SLC44A5: variants seen among roughly 807,000 people sequenced by gnomAD.
SLC44A5 encodes the protein solute carrier family 44 member 5, also known as choline transporter-like protein 5.
Under a neutral mutation model 101.8 loss-of-function variants are expected in SLC44A5, and 57 were observed. That is an observed-to-expected ratio of 0.56 (90% confidence interval 0.45 to 0.70). The LOEUF is 0.70. Among genes scored for constraint, SLC44A5 ranks in the 30% least tolerant of loss-of-function variants. The pLI is 0.00. For missense variants in SLC44A5, 737 were observed against 853.1 expected, an observed-to-expected ratio of 0.86 and a Z score of 1.70; for synonymous variants, 281 against 290.9, an observed-to-expected ratio of 0.97 and a Z score of 0.35.
At chr1:75,383,864 G>C (rs1448027142) in intron 3 of SLC44A5, among the ~76,000 whole-genome samples, 1 of 152,172 alleles carries the variant, frequency 6.6e-6, no homozygotes, top group African/African-American at 2.4e-5. Flanking sequence ...TCTCTCAGCA[G>C]AAACCCTACA....
intron 12 of SLC44A5, among the ~76,000 whole-genome samples, chr1:75,230,867 C>T (rs1019959437): frequency 3.3e-5 from 5 of 152,166 alleles, no homozygotes; most frequent in East Asian, 1.9e-4. Flanking sequence ...TTGGCCGCCT[C>T]GGCCTCCCAC....
rs1160993123 is a variant in SLC44A5 at position 75,403,942 on chromosome 1, A to G, written c.14-7321T>C. On this transcript the variant is annotated intron_variant, in intron 2 of 23. Coordinates refer to ENST00000370859, the MANE Select transcript of SLC44A5 (RefSeq NM_001130058.2). ...GTTCTAACCCAATGCAAGGGAACTA[A>G]GAACCTTGCAAAAAAGTTAGAGGAA... Among the ~76,000 whole-genome samples, 8 of 152,272 alleles carry G rather than the reference A, an allele frequency of 5.3e-5. No homozygotes were observed. The East Asian group carries it at 1.6e-3, about 30-fold the overall frequency.
chr1:75,391,039 T>C (rs1661752471), intron 3 of SLC44A5, among the ~76,000 whole-genome samples: 1 of 152,128 alleles, frequency 6.6e-6, no homozygotes, highest in South Asian at 2.1e-4. Context: ...AGCATTTCTG[T>C]ACAGCAGTAA....
chr1:75,626,881 T>C, the SLC44A5 span, among the ~76,000 whole-genome samples: 1 of 152,124 alleles, frequency 6.6e-6, no homozygotes, highest in East Asian at 1.9e-4. Flanking sequence ...GAGCTTCCTA[T>C]GTCATGTAAA....
At chr1:75,280,688 C>T (rs1438420387) in intron 5 of SLC44A5, among the ~76,000 whole-genome samples, 2 of 150,688 alleles carry the variant, frequency 1.3e-5, no homozygotes, top group East Asian at 3.9e-4. Flanking sequence ...GGTGGTTCTA[C>T]CATGCTGTTC....
At chr1:75,710,878 T>C in the SLC44A5 span, among the ~76,000 whole-genome samples, 2 of 152,206 alleles carry the variant, frequency 1.3e-5, no homozygotes, top group Non-Finnish European at 2.9e-5. Flanking sequence ...AAACAACTAA[T>C]ATAATCATCT....
chr1:75,373,829 C>T (rs1660388048), intron 3 of SLC44A5, among the ~76,000 whole-genome samples: 1 of 152,090 alleles, frequency 6.6e-6, no homozygotes, highest in Admixed American at 6.5e-5. Flanking sequence ...CCTGAGGGTT[C>T]AGAGGACAAA....
At chr1:75,444,625 A>T (rs1338746638) in intron 2 of SLC44A5, among the ~76,000 whole-genome samples, 1 of 151,932 alleles carries the variant, frequency 6.6e-6, no homozygotes, top group Non-Finnish European at 1.5e-5. Context: ...TTGTATGCTA[A>T]TAGAGATGAT....
At chr1:75,451,573 T>C (rs892803228) in intron 2 of SLC44A5, among the ~76,000 whole-genome samples, 8 of 152,042 alleles carry the variant, frequency 5.3e-5, no homozygotes, top group African/African-American at 1.4e-4. Context: ...TTAAAACTAA[T>C]AGCATCTCCA....
At chr1:75,500,739 G>A (rs1668915401) in intron 2 of SLC44A5, among the ~76,000 whole-genome samples, 1 of 152,160 alleles carries the variant, frequency 6.6e-6, no homozygotes, top group African/African-American at 2.4e-5. Flanking sequence ...GGTAACAACA[G>A]AGAAAGTTAC....
intron 2 of SLC44A5, among the ~76,000 whole-genome samples, chr1:75,466,021 T>G (rs1181447156): frequency 6.6e-6 from 1 of 152,188 alleles, no homozygotes; most frequent in East Asian, 1.9e-4. Flanking sequence ...TCCAAACTCA[T>G]TCTACGAGGC....
chr1:75,712,424 T>C, the SLC44A5 span, among the ~76,000 whole-genome samples: 3 of 152,172 alleles, frequency 2.0e-5, no homozygotes, highest in Non-Finnish European at 4.4e-5. Context: ...CCTCAGTAAG[T>C]ATTAGTTCCT....
intron 2 of SLC44A5, among the ~76,000 whole-genome samples, chr1:75,424,836 A>G (rs1664212936): frequency 6.6e-6 from 1 of 152,232 alleles, no homozygotes; most frequent in South Asian, 2.1e-4. Flanking sequence ...CTTCTTATAA[A>G]GAACATGAAA....
chr1:75,250,603 CATA>C (rs1557577826), intron 7 of SLC44A5, among the ~76,000 whole-genome samples: 8 of 152,120 alleles, frequency 5.3e-5, no homozygotes. Flanking sequence ...GTGTCTGTGG[CATA>C]TGAGTGGAAA....
intron 2 of SLC44A5, among the ~76,000 whole-genome samples, chr1:75,396,904 C>T (rs1662162279): frequency 6.6e-6 from 1 of 152,054 alleles, no homozygotes; most frequent in Non-Finnish European, 1.5e-5. Flanking sequence ...GCATCTATGA[C>T]TTGTATAATG....
At chr1:75,685,396 G>A in the SLC44A5 span, among the ~76,000 whole-genome samples, 1 of 152,078 alleles carries the variant, frequency 6.6e-6, no homozygotes, top group Non-Finnish European at 1.5e-5. Context: ...CTTTTATATT[G>A]CATAATCACG....
chr1:75,326,943 A>AT (rs1227302271), intron 4 of SLC44A5, among the ~76,000 whole-genome samples: 1 of 152,152 alleles, frequency 6.6e-6, no homozygotes, highest in African/African-American at 2.4e-5. Flanking sequence ...TAAAATGCTA[A>AT]TACATATTAC....
At chr1:75,654,209 A>G in the SLC44A5 span, among the ~76,000 whole-genome samples, 1 of 152,234 alleles carries the variant, frequency 6.6e-6, no homozygotes, top group African/African-American at 2.4e-5. Flanking sequence ...TGATAAAGGA[A>G]TTCACTTTAC....
At chr1:75,352,974 C>A (rs1364831142) in intron 3 of SLC44A5, among the ~76,000 whole-genome samples, 1 of 152,074 alleles carries the variant, frequency 6.6e-6, no homozygotes, top group Non-Finnish European at 1.5e-5. Flanking sequence ...ATTTGCTTTT[C>A]TTGTAGTTTA....
Sources: gnomAD v4.1 joint callset for allele counts (sites outside exome capture counted in the v4.1 genomes callset) on GRCh38, gnomAD v4.1.1 for gene constraint, MANE v1.5 for transcripts, NCBI Gene and HGNC (gene_info 2026-07-23, HGNC 2026-07-21) for gene names.